Variants in IFT56 observed in about 807,000 individuals in gnomAD.
IFT56 encodes the protein intraflagellar transport 56.
the IFT56 span, among the ~76,000 whole-genome samples, chr7:139,167,064 G>T: frequency 2.6e-5 from 4 of 152,292 alleles, no homozygotes; most frequent in African/African-American, 9.6e-5. Context: ...CTTGTGATAT[G>T]AGAATGAATG....
At chr7:139,137,837 T>G in the IFT56 span, 1 of 1,608,334 alleles carries the variant, frequency 6.2e-7, no homozygotes, top group South Asian at 1.1e-5. Context: ...AATACATTTT[T>G]AACCTGAAGT....
At chr7:139,147,158 A>C in the IFT56 span, 1 of 1,612,812 alleles carries the variant, frequency 6.2e-7, no homozygotes, top group South Asian at 1.1e-5. Context: ...AATGATGAGA[A>C]AAAATTGATG....
chr7:139,162,984 G>T, the IFT56 span, among the ~76,000 whole-genome samples: 160 of 148,094 alleles, frequency 1.1e-3, 1 homozygote, highest in East Asian at 0.031. Flanking sequence ...TACTTATCTT[G>T]CTTTTTTGGG....
the IFT56 span, among the ~76,000 whole-genome samples, chr7:139,135,732 G>T: frequency 6.6e-6 from 1 of 152,154 alleles, no homozygotes; most frequent in African/African-American, 2.4e-5. Context: ...GGAAACACAT[G>T]TTATAGGAGG....
the IFT56 span, among the ~76,000 whole-genome samples, chr7:139,177,687 A>G: frequency 4.0e-5 from 6 of 149,644 alleles, no homozygotes; most frequent in African/African-American, 1.5e-4. Flanking sequence ...TAAAGGAAAA[A>G]AATTAAACAG....
chr7:139,176,368 TA>T, the IFT56 span, among the ~76,000 whole-genome samples: 1 of 152,110 alleles, frequency 6.6e-6, no homozygotes, highest in East Asian at 1.9e-4. Context: ...TTAAAAAAAA[TA>T]AAGTAGATTA....
At chr7:139,152,668 T>A in the IFT56 span, among the ~76,000 whole-genome samples, 1 of 152,234 alleles carries the variant, frequency 6.6e-6, no homozygotes. Context: ...AAAGGTCACT[T>A]TCATTCTAAC....
At chr7:139,142,135 A>G in the IFT56 span, 1 of 991,250 alleles carries the variant, frequency 1.0e-6, no homozygotes. Context: ...GTATTCTAGC[A>G]GAGACATATT....
the IFT56 span, chr7:139,187,548 A>G: frequency 7.8e-3 from 12,580 of 1,613,964 alleles, 858 homozygotes; most frequent in African/African-American, 0.15. Context: ...AAGTAAGTAA[A>G]CAGGCAAGAA....
the IFT56 span, among the ~76,000 whole-genome samples, chr7:139,163,816 G>A: frequency 1.3e-5 from 2 of 152,170 alleles, no homozygotes; most frequent in East Asian, 1.9e-4. Context: ...AATTAATCTC[G>A]GCAAAAGAAG....
At chr7:139,157,139 C>CTTTTTTTTTTTTTTTTTTTTTT in the IFT56 span, among the ~76,000 whole-genome samples, 1 of 82,090 alleles carries the variant, frequency 1.2e-5, no homozygotes, top group Non-Finnish European at 2.5e-5. Flanking sequence ...TCTTTAATTT[C>CTTTTTTTTTTTTTTTTTTTTTT]TTTTTTTTTT....
the IFT56 span, among the ~76,000 whole-genome samples, chr7:139,170,185 C>T: frequency 1.3e-5 from 2 of 152,162 alleles, no homozygotes; most frequent in Admixed American, 1.3e-4. Context: ...CCTGAGCAAA[C>T]CAATAACAAG....
At chr7:139,173,754 A>G in the IFT56 span, 3 of 764,416 alleles carry the variant, frequency 3.9e-6, no homozygotes, top group Admixed American at 3.5e-5. Flanking sequence ...TTCCAAAATC[A>G]TTATGATGTT....
the IFT56 span, chr7:139,168,466 T>A: frequency 1.7e-6 from 2 of 1,198,978 alleles, no homozygotes; most frequent in Non-Finnish European, 2.5e-6. Flanking sequence ...ACAAAATGAC[T>A]ATCAAAGTGC....
the IFT56 span, among the ~76,000 whole-genome samples, chr7:139,155,490 T>C: frequency 4.7e-4 from 71 of 152,158 alleles, 1 homozygote; most frequent in Non-Finnish European, 1.6e-4. Context: ...AAATGTTTTT[T>C]ATCATGAAAG....
chr7:139,151,501 C>A, the IFT56 span, among the ~76,000 whole-genome samples: 2 of 152,002 alleles, frequency 1.3e-5, no homozygotes, highest in Non-Finnish European at 2.9e-5. Context: ...TCAGATAGAC[C>A]CAAATTTCAA....
the IFT56 span, among the ~76,000 whole-genome samples, chr7:139,177,406 T>G: frequency 6.6e-6 from 1 of 151,480 alleles, no homozygotes; most frequent in Admixed American, 6.6e-5. Context: ...ATTTTTTTCC[T>G]TTATCAATTA....
the IFT56 span, chr7:139,137,750 TTGCC>T: frequency 1.2e-6 from 1 of 821,146 alleles, no homozygotes; most frequent in Non-Finnish European, 1.9e-6. Context: ...AATACTTAGA[TTGCC>T]TGTTGTCAGT....
At chr7:139,188,670 G>A in the IFT56 span, among the ~76,000 whole-genome samples, 20 of 152,114 alleles carry the variant, frequency 1.3e-4, no homozygotes, top group Non-Finnish European at 1.8e-4. Flanking sequence ...ATAGGCAGTC[G>A]CCTACAGATT....
Sources: allele counts gnomAD v4.1 joint callset (sites outside exome capture counted in the v4.1 genomes callset), GRCh38; gene constraint gnomAD v4.1.1; transcripts MANE v1.5; gene names NCBI Gene and HGNC (gene_info 2026-07-23, HGNC 2026-07-21).